The following CNTN3 variants were observed in gnomAD, a reference collection of about 807,000 sequenced individuals.
CNTN3 encodes contactin 3.
In CNTN3, 60 loss-of-function variants were observed where a neutral mutation model predicts 119.1. The ratio of observed to expected loss-of-function variants is 0.50; its 90% confidence interval spans 0.41 to 0.62. The LOEUF (loss-of-function observed/expected upper bound fraction) is 0.62. CNTN3 is among the 20% of genes least tolerant of loss of function. The probability of loss-of-function intolerance (pLI) is 0.00; values close to 1 mark genes in which losing one functional copy is unlikely to be tolerated. For missense variants in CNTN3, 1,101 were observed against 1,242.4 expected, an observed-to-expected ratio of 0.89 and a Z score of 1.71; for synonymous variants, 450 against 438.7, an observed-to-expected ratio of 1.03 and a Z score of -0.32.
rs1339606147 is a variant in CNTN3, at chr3:74,338,918, CT to C, written c.1365-2261del. 1.2e-4 allele frequency among the ~76,000 whole-genome samples: 19 copies of C among 152,148 alleles called. No individual in the cohort carries two copies. The East Asian group carries it at 2.7e-3, about 22-fold the overall frequency. ...AAAACAAAAAGGGACATACCTGATT[CT>C]TCTCGTGGGACCCTGAAGGTTGTAA... On this transcript the variant is annotated intron_variant, in intron 11 of 22. Coordinates refer to ENST00000263665, the MANE Select transcript of CNTN3 (RefSeq NM_020872.3).
intron 20 of CNTN3, among the ~76,000 whole-genome samples, chr3:74,271,227 C>T (rs1701769436): frequency 6.6e-6 from 1 of 152,108 alleles, no homozygotes; most frequent in Admixed American, 6.6e-5. Flanking sequence ...TTGTGGCGTT[C>T]ATCACAATGG....
At chr3:74,410,754 G>A (rs1358494833) in intron 5 of CNTN3, among the ~76,000 whole-genome samples, 1 of 152,050 alleles carries the variant, frequency 6.6e-6, no homozygotes, top group African/African-American at 2.4e-5. Context: ...GATGATTGAT[G>A]GACTAGTTTC....
rs1441350141 is a variant in CNTN3, at chr3:74,506,776, A to G, written c.56-6991T>C. Among the ~76,000 whole-genome samples, 4 of 150,820 alleles carry G rather than the reference A, an allele frequency of 2.7e-5. No homozygotes were observed. In the East Asian group the frequency reaches 7.8e-4, roughly 29 times the overall value. On this transcript the variant is annotated intron_variant, in intron 2 of 22. Transcript: ENST00000263665. The stretch of plus-strand genomic sequence containing the variant: ...AACAACACTTACATTCCCTCTTTCT[A>G]TTATACTTATTGTACATTTTTGAAA...
chr3:74,312,424 CCAGCCTGGGTGA>C (rs1462560929), intron 13 of CNTN3, among the ~76,000 whole-genome samples: 1 of 136,402 alleles, frequency 7.3e-6, no homozygotes, highest in Non-Finnish European at 1.5e-5. Flanking sequence ...CCACTGCACT[CCAGCCTGGGTGA>C]CAGAGTGAGA....
chr3:74,274,518 A>G (rs1194094148), intron 20 of CNTN3, among the ~76,000 whole-genome samples: 2 of 152,190 alleles, frequency 1.3e-5, no homozygotes, highest in Non-Finnish European at 1.5e-5. Context: ...CGAGCCTGGT[A>G]GACATGCTGG....
intron 4 of CNTN3, among the ~76,000 whole-genome samples, chr3:74,443,193 T>A (rs913962265): frequency 1.1e-4 from 16 of 152,150 alleles, no homozygotes; most frequent in Non-Finnish European, 2.4e-4. Context: ...AAGCAGTTCA[T>A]CCACCAGAGA....
chr3:74,522,329 T>C (rs1387633931), intron 1 of CNTN3, among the ~76,000 whole-genome samples: 1 of 151,892 alleles, frequency 6.6e-6, no homozygotes, highest in Non-Finnish European at 1.5e-5. Flanking sequence ...CTAGGTCCAC[T>C]GGAATCTGAA....
chr3:74,279,733 C>G (rs1701960356), intron 20 of CNTN3, among the ~76,000 whole-genome samples: 1 of 152,056 alleles, frequency 6.6e-6, no homozygotes. Flanking sequence ...CACAAATCAC[C>G]ACTAAAAAAC....
chr3:74,604,275 C>T (rs1238426790), intron 1 of CNTN3, among the ~76,000 whole-genome samples: 5 of 151,968 alleles, frequency 3.3e-5, no homozygotes, highest in African/African-American at 1.2e-4. Flanking sequence ...GGATATAACC[C>T]CAAAAGCACA....
intron 5 of CNTN3, among the ~76,000 whole-genome samples, chr3:74,415,582 G>C (rs1162312014): frequency 1.3e-5 from 2 of 152,126 alleles, no homozygotes; most frequent in Non-Finnish European, 2.9e-5. Context: ...CATTGCATTA[G>C]TTATGAGTTT....
intron 13 of CNTN3, among the ~76,000 whole-genome samples, chr3:74,313,754 G>A (rs1702759760): frequency 6.6e-6 from 1 of 152,120 alleles, no homozygotes; most frequent in South Asian, 2.1e-4. Flanking sequence ...GGCCTTGTAT[G>A]TACATGAAGC....
At chr3:74,451,872 A>C (rs1331267032) in intron 4 of CNTN3, among the ~76,000 whole-genome samples, 1 of 142,372 alleles carries the variant, frequency 7.0e-6, no homozygotes. Flanking sequence ...CCATTGATCT[A>C]TATCTCTGTT....
At chr3:74,518,661 C>A (rs1303371916) in intron 2 of CNTN3, among the ~76,000 whole-genome samples, 1 of 151,890 alleles carries the variant, frequency 6.6e-6, no homozygotes, top group Non-Finnish European at 1.5e-5. Flanking sequence ...GGAAAATACT[C>A]CTCAATCATT....
chr3:74,561,811 C>T (rs552943017), intron 1 of CNTN3, among the ~76,000 whole-genome samples: 1 of 152,172 alleles, frequency 6.6e-6, no homozygotes, highest in Non-Finnish European at 1.5e-5. Context: ...ATCATTAGAA[C>T]TTAATAGGTA....
intron 1 of CNTN3, among the ~76,000 whole-genome samples, chr3:74,571,578 G>C (rs772174445): frequency 4.6e-5 from 7 of 152,102 alleles, no homozygotes; most frequent in Non-Finnish European, 1.0e-4. Context: ...ACAATATATG[G>C]AAAGCACTTA....
At chr3:74,447,858 A>G (rs1702077057) in intron 4 of CNTN3, among the ~76,000 whole-genome samples, 1 of 152,158 alleles carries the variant, frequency 6.6e-6, no homozygotes, top group African/African-American at 2.4e-5. Flanking sequence ...AACATGAACC[A>G]TTTTTAAATA....
At position 74,486,544 on chromosome 3, in the gene CNTN3, G is replaced by A; in HGVS notation, c.270C>T (p.Asn90=). 6.2e-7 allele frequency: 1 copy of A among 1,609,146 alleles called. No individual in the cohort carries two copies. ...GGTAAGTTCCTGTATCCCAATTTCT[G>A]TTGGGATTAATAACCACAAGATTTC... ...NGGNLVVINP[N]RNWDTGTYQC... The change falls in exon 4 of 23, where the codon AAC becomes AAT. Residue 90 remains asparagine, a synonymous_variant. Transcript: ENST00000263665.
At chr3:74,369,739 A>G in intron 7 of CNTN3, 150 bp downstream of exon 7, 1 of 555,624 alleles carries the variant, frequency 1.8e-6, no homozygotes, top group Admixed American at 3.9e-5. Context: ...TCAATTTTAT[A>G]TGTGCATTTC....
At chr3:74,439,335 C>A (rs1701922692) in intron 4 of CNTN3, among the ~76,000 whole-genome samples, 1 of 151,994 alleles carries the variant, frequency 6.6e-6, no homozygotes, top group South Asian at 2.1e-4. Context: ...GGCAAAACCC[C>A]ACCTCTACTA....
Sources: allele counts gnomAD v4.1 joint callset (sites outside exome capture counted in the v4.1 genomes callset), GRCh38; gene constraint gnomAD v4.1.1; transcripts MANE v1.5; gene names NCBI Gene and HGNC (gene_info 2026-07-23, HGNC 2026-07-21).